Variants in PCSK5 observed in about 807,000 individuals in gnomAD.
PCSK5 encodes prohormone convertase 5.
PCSK5 carries 129 observed loss-of-function variants against 233.2 expected under a neutral mutation model. The observed-to-expected ratio is 0.55, with a 90% CI of 0.48 to 0.64. PCSK5 has a LOEUF of 0.64. Ranked by LOEUF, PCSK5 falls within the 30% of genes least tolerant of loss-of-function variation. The probability of loss-of-function intolerance (pLI) is 0.00; values close to 1 mark genes in which losing one functional copy is unlikely to be tolerated. For synonymous variants in PCSK5, 825 were observed against 879.2 expected, an observed-to-expected ratio of 0.94 and a Z score of 1.09; for missense variants, 2,076 against 2,430.1, an observed-to-expected ratio of 0.85 and a Z score of 3.06.
chr9:75,903,907 T>A (rs1463158348), intron 1 of PCSK5, among the ~76,000 whole-genome samples: 1 of 152,130 alleles, frequency 6.6e-6, no homozygotes, highest in Non-Finnish European at 1.5e-5. Flanking sequence ...CCTGTGCCTA[T>A]TCTAGTTTCA....
At chr9:76,024,191 C>T (rs763948009) in intron 4 of PCSK5, among the ~76,000 whole-genome samples, 1 of 152,216 alleles carries the variant, frequency 6.6e-6, no homozygotes, top group Non-Finnish European at 1.5e-5. Flanking sequence ...ACCAGCCAGG[C>T]AGTACTCTTT....
At chr9:76,107,202 G>A (rs767410488) in intron 8 of PCSK5, 49 bp from the exon 9 acceptor site, 23 of 1,104,954 alleles carry the variant, frequency 2.1e-5, no homozygotes, top group Middle Eastern at 2.1e-4. Flanking sequence ...CTACTTGCAG[G>A]TGACTCACAT....
chr9:75,902,596 G>A (rs886218644), intron 1 of PCSK5, among the ~76,000 whole-genome samples: 3 of 152,164 alleles, frequency 2.0e-5, no homozygotes, highest in Non-Finnish European at 2.9e-5. Flanking sequence ...CAGGTGAGAC[G>A]ACCAGGCAGA....
intron 35 of PCSK5, among the ~76,000 whole-genome samples, chr9:76,345,575 C>T (rs1418956241): frequency 1.3e-5 from 2 of 151,860 alleles, no homozygotes; most frequent in Admixed American, 6.6e-5. Flanking sequence ...CCTGCTGCCA[C>T]GACCTGCTAA....
intron 5 of PCSK5, among the ~76,000 whole-genome samples, chr9:76,039,918 T>C (rs532435527): frequency 2.6e-5 from 4 of 152,294 alleles, no homozygotes; most frequent in Non-Finnish European, 4.4e-5. Flanking sequence ...AAATCTCAGG[T>C]TCCCTCGAAT....
chr9:75,952,717 G>T (rs1218091661), intron 2 of PCSK5, among the ~76,000 whole-genome samples: 3 of 152,130 alleles, frequency 2.0e-5, no homozygotes, highest in Non-Finnish European at 2.9e-5. Context: ...GAATAATTCG[G>T]TATGTAGTCT....
chr9:76,349,390 T>C (rs1830063666), intron 35 of PCSK5, among the ~76,000 whole-genome samples: 1 of 151,750 alleles, frequency 6.6e-6, no homozygotes, highest in African/African-American at 2.4e-5. Flanking sequence ...TTCCAGAACA[T>C]GTGGGAAATT....
At chr9:75,995,447 C>A (rs934264772) in intron 3 of PCSK5, among the ~76,000 whole-genome samples, 5 of 152,114 alleles carry the variant, frequency 3.3e-5, no homozygotes, top group African/African-American at 4.8e-5. Flanking sequence ...TTTACATTAA[C>A]TTCAATAAAC....
chr9:76,001,112 C>T (rs1404675399), intron 3 of PCSK5, among the ~76,000 whole-genome samples: 1 of 152,114 alleles, frequency 6.6e-6, no homozygotes, highest in Non-Finnish European at 1.5e-5. Flanking sequence ...TTTACATCTG[C>T]ATCTTTTCCC....
chr9:76,076,509 A>G (rs1273090471), intron 7 of PCSK5, among the ~76,000 whole-genome samples: 4 of 152,196 alleles, frequency 2.6e-5, no homozygotes, highest in South Asian at 2.1e-4. Flanking sequence ...AAGACCATCA[A>G]AGAGATCAGG....
chr9:76,324,481 C>T (rs1454380557), intron 32 of PCSK5, among the ~76,000 whole-genome samples: 1 of 151,894 alleles, frequency 6.6e-6, no homozygotes. Flanking sequence ...TCCGCCCACC[C>T]TGGCCTCCCA....
chr9:76,210,540 T>A (rs1021031204), intron 20 of PCSK5, among the ~76,000 whole-genome samples: 3 of 152,128 alleles, frequency 2.0e-5, no homozygotes, highest in Admixed American at 2.0e-4. Flanking sequence ...CTGCTACAGT[T>A]TGTAAGGTGA....
chr9:76,292,155 A>C, intron 24 of PCSK5, 78 bp from the exon 25 acceptor site: 1 of 819,676 alleles, frequency 1.2e-6, no homozygotes, highest in Non-Finnish European at 2.1e-6. Context: ...GTTTATCTCA[A>C]GCTACAGCTT....
At chr9:76,231,271 G>A (rs183908577) in intron 21 of PCSK5, among the ~76,000 whole-genome samples, 8 of 152,166 alleles carry the variant, frequency 5.3e-5, no homozygotes, top group Admixed American at 2.0e-4. Context: ...TCACTATCAC[G>A]AGAACAGCAT....
intron 20 of PCSK5, among the ~76,000 whole-genome samples, chr9:76,221,892 G>A (rs1258767408): frequency 6.6e-6 from 1 of 152,124 alleles, no homozygotes; most frequent in Admixed American, 6.5e-5. Context: ...GCCTGAGAAT[G>A]AAAAAGCAAT....
intron 3 of PCSK5, among the ~76,000 whole-genome samples, chr9:76,000,075 GAAAC>G (rs558675718): frequency 3.3e-5 from 5 of 152,232 alleles, no homozygotes; most frequent in Non-Finnish European, 4.4e-5. Flanking sequence ...AGATTTACAA[GAAAC>G]AAACAAACAA....
chr9:76,192,521 A>C (rs1017765795), intron 20 of PCSK5, among the ~76,000 whole-genome samples: 5 of 152,186 alleles, frequency 3.3e-5, no homozygotes, highest in African/African-American at 1.2e-4. Flanking sequence ...AACTGATGTG[A>C]TATCAGTGTT....
At chr9:76,142,251 C>T (rs6560506) in intron 10 of PCSK5, among the ~76,000 whole-genome samples, 53,095 of 151,436 alleles carry the variant, frequency 0.35, 9,986 homozygotes, top group East Asian at 0.61. Context: ...ATTCACTTTT[C>T]CATGGAACAT....
chr9:75,942,312 A>T (rs559411398), intron 2 of PCSK5, among the ~76,000 whole-genome samples: 48 of 152,364 alleles, frequency 3.2e-4, no homozygotes, highest in African/African-American at 1.1e-3. Flanking sequence ...ATCAAAGGAA[A>T]CACATCTTTG....
Sources: allele counts gnomAD v4.1 joint callset (sites outside exome capture counted in the v4.1 genomes callset), GRCh38; gene constraint gnomAD v4.1.1; transcripts MANE v1.5; gene names NCBI Gene and HGNC (gene_info 2026-07-23, HGNC 2026-07-21).